The following NDUFAF2 variants were observed in gnomAD, a reference collection of about 807,000 sequenced individuals.
NDUFAF2 encodes NADH:ubiquinone oxidoreductase complex assembly factor 2, also known as NADH dehydrogenase [ubiquinone] 1 alpha subcomplex assembly factor 2.
In NDUFAF2, 13 loss-of-function variants were observed where a neutral mutation model predicts 22.8. That is an observed-to-expected ratio of 0.57 (90% CI 0.37 to 0.91). The LOEUF is 0.91. NDUFAF2 is among the 40% of genes least tolerant of loss of function. NDUFAF2 has a pLI of 0.01. For synonymous variants in NDUFAF2, 53 were observed against 64.2 expected (o/e 0.83, Z 0.84); for missense variants, 162 against 195.2 (o/e 0.83, Z 1.01).
intron 1 of NDUFAF2, among the ~76,000 whole-genome samples, chr5:61,052,632 T>A (rs1387606005): frequency 6.6e-6 from 1 of 152,222 alleles, no homozygotes; most frequent in Non-Finnish European, 1.5e-5. Flanking sequence ...TCTATTATCC[T>A]TAATACTAAT....
intron 1 of NDUFAF2, among the ~76,000 whole-genome samples, chr5:61,024,354 GAAAAT>G (rs1252478947): frequency 5.9e-5 from 9 of 151,980 alleles, no homozygotes; most frequent in African/African-American, 2.2e-4. Flanking sequence ...TTTTCTAAGT[GAAAAT>G]AAGTCAAATG....
chr5:61,103,319 A>G (rs1000339565), intron 3 of NDUFAF2, among the ~76,000 whole-genome samples: 14 of 152,010 alleles, frequency 9.2e-5, no homozygotes, highest in Admixed American at 9.2e-4. Flanking sequence ...TCCTTCTCCC[A>G]TCAACTGGCA....
chr5:60,972,176 C>T (rs943449604), intron 1 of NDUFAF2, among the ~76,000 whole-genome samples: 17 of 151,344 alleles, frequency 1.1e-4, no homozygotes, highest in African/African-American at 2.2e-4. Context: ...CTCCTGACCT[C>T]GTGATCTGCC....
intron 2 of NDUFAF2, among the ~76,000 whole-genome samples, chr5:61,088,912 A>C (rs901806733): frequency 1.3e-5 from 2 of 152,090 alleles, no homozygotes; most frequent in African/African-American, 4.8e-5. Context: ...TTTTGGATGC[A>C]GACTATTGAT....
intron 3 of NDUFAF2, among the ~76,000 whole-genome samples, chr5:61,147,437 C>CTTTTGTTTTTTTTT (rs1741156610): frequency 1.2e-5 from 1 of 84,728 alleles, no homozygotes; most frequent in African/African-American, 4.1e-5. Flanking sequence ...TTTTTTCTTT[C>CTTTTGTTTTTTTTT]TTTTTTTTTT....
intron 1 of NDUFAF2, among the ~76,000 whole-genome samples, chr5:60,953,715 G>C (rs1200524120): frequency 2.0e-5 from 3 of 152,126 alleles, no homozygotes; most frequent in African/African-American, 7.2e-5. Context: ...AGCTTAAAAG[G>C]AGTAGCCTAT....
intron 1 of NDUFAF2, among the ~76,000 whole-genome samples, chr5:60,952,003 A>C (rs1750554084): frequency 1.3e-5 from 2 of 151,042 alleles, no homozygotes; most frequent in Admixed American, 6.6e-5. Context: ...TTGAATTTAC[A>C]GTCATAAAGT....
At chr5:61,060,864 T>C (rs1466905228) in intron 1 of NDUFAF2, among the ~76,000 whole-genome samples, 3 of 152,070 alleles carry the variant, frequency 2.0e-5, no homozygotes, top group Non-Finnish European at 4.4e-5. Flanking sequence ...AGAAAATCCC[T>C]CCTCCACGGT....
intron 1 of NDUFAF2, among the ~76,000 whole-genome samples, chr5:61,006,648 G>A (rs1751370458): frequency 6.6e-6 from 1 of 152,078 alleles, no homozygotes; most frequent in South Asian, 2.1e-4. Flanking sequence ...TCCTTGAAGA[G>A]GTCCTTCACA....
At chr5:61,067,176 T>C (rs994242727) in intron 1 of NDUFAF2, among the ~76,000 whole-genome samples, 4 of 152,104 alleles carry the variant, frequency 2.6e-5, no homozygotes, top group African/African-American at 9.7e-5. Flanking sequence ...TTAATTATTA[T>C]GCTTTAAGTT....
chr5:61,041,639 G>A (rs895629604), intron 1 of NDUFAF2, among the ~76,000 whole-genome samples: 21 of 152,148 alleles, frequency 1.4e-4, no homozygotes, highest in African/African-American at 4.6e-4. Flanking sequence ...TGAATTATAA[G>A]CAACGTTTAG....
chr5:61,007,675 G>T (rs1358598451), intron 1 of NDUFAF2, among the ~76,000 whole-genome samples: 1 of 152,182 alleles, frequency 6.6e-6, no homozygotes, highest in African/African-American at 2.4e-5. Flanking sequence ...AGGATGTGGA[G>T]AAATAGGAAC....
At chr5:61,049,886 TACACACACACAC>T (rs70977822) in intron 1 of NDUFAF2, among the ~76,000 whole-genome samples, 2 of 144,338 alleles carry the variant, frequency 1.4e-5, no homozygotes, top group African/African-American at 2.6e-5. Flanking sequence ...ATTTAAATTA[TACACACACACAC>T]ACACACACAC....
At chr5:61,002,401 GA>G (rs1751308233) in intron 1 of NDUFAF2, among the ~76,000 whole-genome samples, 3 of 152,076 alleles carry the variant, frequency 2.0e-5, no homozygotes, top group South Asian at 4.1e-4. Context: ...TGAAAATCCT[GA>G]AAACGTGATT....
chr5:61,094,335 A>T (rs1354991457), intron 2 of NDUFAF2, among the ~76,000 whole-genome samples: 1 of 152,184 alleles, frequency 6.6e-6, no homozygotes, highest in Admixed American at 6.5e-5. Context: ...CAGCTCTATC[A>T]GGTTGGTTAC....
At chr5:61,043,500 C>T (rs923470283) in intron 1 of NDUFAF2, among the ~76,000 whole-genome samples, 2 of 152,122 alleles carry the variant, frequency 1.3e-5, no homozygotes, top group African/African-American at 4.8e-5. Context: ...CCCTCACCCA[C>T]AGTTTCTGGT....
intron 3 of NDUFAF2, among the ~76,000 whole-genome samples, chr5:61,139,808 G>T (rs1741023518): frequency 6.6e-6 from 1 of 152,026 alleles, no homozygotes; most frequent in African/African-American, 2.4e-5. Context: ...AATTTTTTTT[G>T]AATAATGCCT....
intron 1 of NDUFAF2, among the ~76,000 whole-genome samples, chr5:61,008,270 T>C (rs1751398319): frequency 6.6e-6 from 1 of 152,032 alleles, no homozygotes; most frequent in Non-Finnish European, 1.5e-5. Flanking sequence ...ACCTGCACAT[T>C]GTGCACATGT....
At chr5:61,044,913 G>A (rs1038486050) in intron 1 of NDUFAF2, among the ~76,000 whole-genome samples, 6 of 151,728 alleles carry the variant, frequency 4.0e-5, no homozygotes, top group African/African-American at 1.5e-4. Flanking sequence ...TTGCTTTGGG[G>A]AGTATGGACA....
Sources: allele counts gnomAD v4.1 joint callset (sites outside exome capture counted in the v4.1 genomes callset), GRCh38; gene constraint gnomAD v4.1.1; transcripts MANE v1.5; gene names NCBI Gene and HGNC (gene_info 2026-07-23, HGNC 2026-07-21).